The following SLC6A4 variants were observed in gnomAD, a reference collection of about 807,000 sequenced individuals.
SLC6A4 encodes sodium-dependent serotonin transporter.
Under a neutral mutation model 73.4 loss-of-function variants are expected in SLC6A4, and 22 were observed. The observed-to-expected ratio is 0.30, with a 90% CI of 0.21 to 0.43. The LOEUF (loss-of-function observed/expected upper bound fraction) is 0.43, where lower values mean the gene tolerates loss of function less well. Ranked by LOEUF, SLC6A4 falls within the 20% of genes least tolerant of loss-of-function variation. The pLI, the probability that SLC6A4 is intolerant of heterozygous loss-of-function variation, is 1.00. For synonymous variants in SLC6A4, 270 were observed against 315.5 expected, an observed-to-expected ratio of 0.86 and a Z score of 1.53; for missense variants, 593 against 808.5, an observed-to-expected ratio of 0.73 and a Z score of 3.23.
At chr17:30,218,423 C>T (rs1247544476) in intron 4 of SLC6A4, 86 bp from the exon 5 acceptor site, 2 of 1,041,838 alleles carry the variant, frequency 1.9e-6, no homozygotes, top group Admixed American at 4.0e-5. Flanking sequence ...CTGGAGAGCC[C>T]CGCAGCCCAG....
chr17:30,225,435 C>G (rs1437770550), intron 1 of SLC6A4, among the ~76,000 whole-genome samples: 3 of 152,164 alleles, frequency 2.0e-5, no homozygotes, highest in African/African-American at 7.2e-5. Flanking sequence ...ATAACAATGG[C>G]TGAAAACAAG....
Position 30,198,529 on chromosome 17 carries a change from C to A in SLC6A4, c.1820G>T (p.Arg607Leu). 1 of 1,562,098 alleles carries A rather than the reference C, an allele frequency of 6.4e-7. No individual in the cohort carries two copies. The highest frequency in any genetic ancestry group is 8.8e-7 in the Non-Finnish European group (1 of 1,134,848). ...TTCTGGGGTAATACTTTTAATAATA[C>A]GCTATTGGGAAGAAAATACAATGTT... ...LIITPGTFKE[R>L]IIKSITPETP... The change falls in exon 15 of 15, where the codon CGT becomes CTT. Residue 607 changes from arginine to leucine, a missense_variant and splice_region_variant. Arg to Leu is a moderately radical substitution (Grantham distance 102, BLOSUM62 -2). Transcript: ENST00000650711.
At chr17:30,215,943 G>A in intron 7 of SLC6A4, 139 bp downstream of exon 7, 1 of 810,996 alleles carries the variant, frequency 1.2e-6, no homozygotes, top group Non-Finnish European at 2.0e-6. Flanking sequence ...TTTAATGCTT[G>A]TATTTCTTGG....
At chr17:30,228,875 T>C (rs908849691) in intron 1 of SLC6A4, among the ~76,000 whole-genome samples, 2 of 152,228 alleles carry the variant, frequency 1.3e-5, no homozygotes, top group Non-Finnish European at 2.9e-5. Flanking sequence ...GCAGGGGCTA[T>C]GGCTACACGT....
At chr17:30,212,897 A>T (rs1906432073) in intron 8 of SLC6A4, 30 bp from the exon 9 acceptor site, 7 of 1,612,912 alleles carry the variant, frequency 4.3e-6, no homozygotes, top group Non-Finnish European at 5.9e-6. Context: ...GGGCCGCCTG[A>T]GACAGTTCCA....
At chr17:30,212,960 G>A (rs1906435437) in intron 8 of SLC6A4, 93 bp from the exon 9 acceptor site, 1 of 1,381,720 alleles carries the variant, frequency 7.2e-7, no homozygotes, top group African/African-American at 1.4e-5. Context: ...CCTTAGACAG[G>A]GCGGCCACAG....
chr17:30,216,420 G>A (rs555046627), intron 6 of SLC6A4, among the ~76,000 whole-genome samples: 173 of 152,216 alleles, frequency 1.1e-3, no homozygotes, highest in Non-Finnish European at 2.1e-3. Flanking sequence ...CACAGGGATC[G>A]GATTCAGGTT....
chr17:30,221,276 G>A (rs979762911), intron 3 of SLC6A4, among the ~76,000 whole-genome samples: 3 of 152,016 alleles, frequency 2.0e-5, no homozygotes, highest in Non-Finnish European at 2.9e-5. Context: ...CACGCCTGGC[G>A]AGATTTGACT....
intron 5 of SLC6A4, 84 bp downstream of exon 5, chr17:30,218,034 G>A (rs1226356820): frequency 3.9e-6 from 4 of 1,036,994 alleles, no homozygotes; most frequent in Non-Finnish European, 4.5e-6. Flanking sequence ...AGGAGCCCTT[G>A]GCCCTGGCCT....
chr17:30,211,390 C>T lies in SLC6A4; in HGVS notation c.1239G>A (p.Ala413=), dbSNP rs200559817. 1.3e-5 allele frequency: 21 copies of T among 1,613,756 alleles called. No individual in the cohort carries two copies. Among genetic ancestry groups the T allele is most frequent in the Middle Eastern group, 3.3e-4 (2 of 6,044 alleles). Residue 413 remains alanine, a synonymous_variant, in exon 10 of 15, where the codon GCG becomes GCA. Transcript: ENST00000650711. The surrounding 1 kb of genome is among the most constrained non-coding windows in gnomAD (Gnocchi z 4.0). The part of the protein sequence containing the change: ...PSLLFITYAE[A]IANMPASTFF... The stretch of plus-strand genomic sequence containing the variant: ...AAGTGGACGCTGGCATGTTGGCTAT[C>T]GCTTCTGCATACGTGATGAAGAGGA...
rs560436923 is a variant in SLC6A4 at position 30,195,914 on chromosome 17, T to A, written c.*2542A>T. On this transcript the variant is annotated 3_prime_UTR_variant, in exon 15 of 15. Transcript: ENST00000650711. ...TCACTGCAACCTCTGCCTCCTGGGT[T>A]CAAGCAATTCTCCTGCCTCAGCCTC... 6.6e-6 allele frequency: 1 copy of A among 151,878 alleles called. No individual in the cohort carries two copies. Among genetic ancestry groups the A allele is most frequent in the East Asian group, 1.9e-4 (1 of 5,162 alleles). The allele number at this position is 151,878 out of a possible 1,614,324, so 9.4% of individuals were successfully genotyped here. A position where few individuals can be genotyped will look rare whatever the true frequency, so the allele number is the denominator to read the frequency against.
At chr17:30,233,316 C>A (rs1907170334) in intron 1 of SLC6A4, among the ~76,000 whole-genome samples, 1 of 152,176 alleles carries the variant, frequency 6.6e-6, no homozygotes, top group African/African-American at 2.4e-5. Flanking sequence ...CCGCACCACA[C>A]CCTGGGCATC....
rs201844395 is a variant in SLC6A4 at position 30,196,344 on chromosome 17, G to A, written c.*2112C>T. 2.1e-4 allele frequency: 31 copies of A among 148,754 alleles called. No individual in the cohort carries two copies. The highest frequency in any genetic ancestry group is 1.5e-3 in the South Asian group (7 of 4,738). 9.2% of individuals were successfully genotyped at this position (148,754 alleles called of 1,614,324 possible). On this transcript the variant is annotated 3_prime_UTR_variant, in exon 15 of 15. Transcript: ENST00000650711. ...GGGGTCAAATAAATGCATACTATGCGGAACAGACAGAGATTTTCGATTTTT... is the reference window on the plus strand; with the variant it reads ...GGGGTCAAATAAATGCATACTATGCAGAACAGACAGAGATTTTCGATTTTT...
intron 9 of SLC6A4, 35 bp downstream of exon 9, chr17:30,212,705 G>A: frequency 2.5e-6 from 4 of 1,605,494 alleles, no homozygotes; most frequent in Non-Finnish European, 3.4e-6. Context: ...CAACTCAGTA[G>A]GAGCAAGGGA....
intron 4 of SLC6A4, 118 bp downstream of exon 4, chr17:30,218,679 C>T (rs1906656905): frequency 9.6e-7 from 1 of 1,042,764 alleles, no homozygotes; most frequent in Non-Finnish European, 1.4e-6. Context: ...CTCAAGCAGT[C>T]TCCCAGGGAT....
chr17:30,226,888 AG>A, intron 1 of SLC6A4, among the ~76,000 whole-genome samples: 1 of 122,518 alleles, frequency 8.2e-6, no homozygotes, highest in African/African-American at 3.0e-5. Flanking sequence ...AAAAAGAAAA[AG>A]AAAGAAAAAA....
At chr17:30,230,137 G>GGAGGAGGAAGAGGAAGAGGAA (rs1907065436) in intron 1 of SLC6A4, among the ~76,000 whole-genome samples, 6 of 150,282 alleles carry the variant, frequency 4.0e-5, no homozygotes, top group African/African-American at 1.5e-4. Flanking sequence ...AGGAGGAGGA[G>GGAGGAGGAAGAGGAAGAGGAA]GAGGAGGAGG....
chr17:30,204,513 C>T (rs56158900), intron 13 of SLC6A4: 2 of 152,188 alleles, frequency 1.3e-5, no homozygotes, highest in Non-Finnish European at 2.9e-5. Flanking sequence ...GGAGCCATCC[C>T]GGCTGCTTGT....
chr17:30,215,162 C>T (rs1906529439), intron 8 of SLC6A4, among the ~76,000 whole-genome samples: 1 of 151,970 alleles, frequency 6.6e-6, no homozygotes, highest in Non-Finnish European at 1.5e-5. Context: ...CGTGCCTCAG[C>T]CTCCCAAGTG....
Sources: allele counts gnomAD v4.1 joint callset (sites outside exome capture counted in the v4.1 genomes callset), GRCh38; gene constraint gnomAD v4.1.1; non-coding constraint Gnocchi (gnomAD v3.1); transcripts MANE v1.5; gene names NCBI Gene and HGNC (gene_info 2026-07-23, HGNC 2026-07-21).